The following PDZD2 variants were observed in gnomAD, a reference collection of about 807,000 sequenced individuals.
PDZD2 encodes the protein PDZ domain-containing protein 2.
PDZD2 carries 90 observed loss-of-function variants against 220.7 expected under a neutral mutation model. The observed-to-expected ratio is 0.41, with a 90% CI of 0.34 to 0.49. PDZD2 has a LOEUF of 0.49. Ranked by LOEUF, PDZD2 falls within the 20% of genes least tolerant of loss-of-function variation. The pLI, the probability that PDZD2 is intolerant of heterozygous loss-of-function variation, is 0.28. For missense variants in PDZD2, 3,174 were observed against 3,608.5 expected (o/e 0.88, Z 3.08); for synonymous variants, 1,375 against 1,450.5 (o/e 0.95, Z 1.18).
chr5:31,815,245 C>CAAAAAAAAAAAAAAAAAAAAAAAAAAA (rs59040987), intron 2 of PDZD2, among the ~76,000 whole-genome samples: 3 of 57,916 alleles, frequency 5.2e-5, no homozygotes, highest in African/African-American at 6.8e-5. Context: ...AACTCTGTCT[C>CAAAAAAAAAAAAAAAAAAAAAAAAAAA]AAAAAAAAAA....
intron 8 of PDZD2, among the ~76,000 whole-genome samples, chr5:32,051,866 C>T (rs1322343724): frequency 2.6e-5 from 4 of 152,178 alleles, no homozygotes; most frequent in African/African-American, 9.7e-5. Context: ...CAAGGGCTTG[C>T]TGAGTTTTTG....
At chr5:31,764,612 GA>G (rs1054762483) in intron 1 of PDZD2, among the ~76,000 whole-genome samples, 15 of 152,248 alleles carry the variant, frequency 9.9e-5, no homozygotes, top group Non-Finnish European at 1.9e-4. Flanking sequence ...TCTCCTCCCT[GA>G]AAAAAAGTTT....
At chr5:31,774,815 CT>C (rs1310250821) in intron 1 of PDZD2, among the ~76,000 whole-genome samples, 4 of 151,978 alleles carry the variant, frequency 2.6e-5, no homozygotes, top group Non-Finnish European at 4.4e-5. Context: ...TACTTCCTGA[CT>C]TTTTACACAT....
At chr5:32,041,419 A>AAAAG (rs200365984) in intron 7 of PDZD2, among the ~76,000 whole-genome samples, 6,701 of 151,832 alleles carry the variant, frequency 0.044, 478 homozygotes, top group African/African-American at 0.15. Context: ...AAACGTGGGG[A>AAAAG]AAAGAGAGAT....
intron 2 of PDZD2, among the ~76,000 whole-genome samples, chr5:31,868,487 A>C (rs528458519): frequency 2.6e-5 from 4 of 152,122 alleles, no homozygotes; most frequent in Non-Finnish European, 5.9e-5. Context: ...TGAGTTTGGG[A>C]AAAGCTAGTT....
intron 2 of PDZD2, among the ~76,000 whole-genome samples, chr5:31,921,335 C>T (rs55784040): frequency 0.068 from 10,299 of 152,070 alleles, 361 homozygotes; most frequent in Non-Finnish European, 0.076. Context: ...TCTGTGGGCA[C>T]GCTGAAATTC....
At chr5:32,063,088 G>A (rs151862) in intron 14 of PDZD2, among the ~76,000 whole-genome samples, 45,643 of 149,812 alleles carry the variant, frequency 0.3, 7,247 homozygotes, top group East Asian at 0.55. Context: ...TCTATAGCCC[G>A]GGCTGGGGTG....
intron 2 of PDZD2, chr5:31,847,849 G>A (rs1757677889): frequency 3.7e-6 from 2 of 535,252 alleles, no homozygotes; most frequent in Non-Finnish European, 7.4e-6. Flanking sequence ...AGAAGTTAAT[G>A]CATTGGAAGC....
At chr5:32,069,714 C>G (rs1047079706) in intron 15 of PDZD2, 64 bp downstream of exon 15, 17 of 826,298 alleles carry the variant, frequency 2.1e-5, no homozygotes, top group African/African-American at 1.0e-4. Context: ...CACCCACAGG[C>G]ACTCCCCAGT....
rs72473783 is a variant in PDZD2 at position 31,877,676 on chromosome 5, C to CTATT, written c.476+77978_476+77981dup. On this transcript the variant is annotated intron_variant, in intron 2 of 24. Transcript: ENST00000438447. ...TGCTTGAGAAACTTTGCTGAAAGGT[C>CTATT]TATTTATTTATTTATTTATTTATTT... Among the ~76,000 whole-genome samples, 221 of 150,538 alleles carry CTATT rather than the reference C, an allele frequency of 1.5e-3. 2 individuals carry two copies. Among genetic ancestry groups the CTATT allele is most frequent in the East Asian group, 4.1e-3 (21 of 5,116 alleles).
intron 2 of PDZD2, among the ~76,000 whole-genome samples, chr5:31,886,350 A>G (rs993160983): frequency 2.0e-4 from 31 of 152,030 alleles, no homozygotes; most frequent in Non-Finnish European, 4.0e-4. Flanking sequence ...GCTAGTGCCA[A>G]GTTGTTTATG....
chr5:31,662,682 T>G (rs1043106793), intron 1 of PDZD2, among the ~76,000 whole-genome samples: 3 of 152,134 alleles, frequency 2.0e-5, no homozygotes, highest in African/African-American at 4.8e-5. Flanking sequence ...CAGGATGGAG[T>G]GCAGTGGCGC....
chr5:31,779,680 G>C (rs1362916957), intron 1 of PDZD2, among the ~76,000 whole-genome samples: 1 of 151,972 alleles, frequency 6.6e-6, no homozygotes, highest in Non-Finnish European at 1.5e-5. Flanking sequence ...GCCAAAAATT[G>C]GGAATCTCTT....
intron 1 of PDZD2, among the ~76,000 whole-genome samples, chr5:31,667,923 G>A (rs140460487): frequency 0.015 from 2,030 of 138,966 alleles, 53 homozygotes; most frequent in African/African-American, 0.052. Context: ...GTGCAGTGGC[G>A]TGATTTCGGC....
Position 31,723,370 on chromosome 5 carries a change from A to T in PDZD2, c.-360-75519A>T, listed in dbSNP as rs117278447. 2.1e-3 allele frequency among the ~76,000 whole-genome samples: 325 copies of T among 151,920 alleles called. 7 individuals are homozygous for T. The East Asian group carries it at 0.046, about 21-fold the overall frequency. On this transcript the variant is annotated intron_variant, in intron 1 of 24. Transcript: ENST00000438447. ...TTTTTTTTTTCTGGAATGAGATTGG[A>T]CATGTCAAGTCACTTTTGTCCCCAA...
intron 2 of PDZD2, among the ~76,000 whole-genome samples, chr5:31,837,575 T>A (rs1757020144): frequency 6.6e-6 from 1 of 152,048 alleles, no homozygotes; most frequent in Non-Finnish European, 1.5e-5. Context: ...ATACAAAAAA[T>A]TACCCAGGCA....
intron 1 of PDZD2, among the ~76,000 whole-genome samples, chr5:31,790,850 C>G (rs748029297): frequency 6.6e-6 from 1 of 151,922 alleles, no homozygotes; most frequent in Non-Finnish European, 1.5e-5. Flanking sequence ...AGGCACCCAC[C>G]ACCGCACCCA....
chr5:31,815,382 G>C (rs1375823975), intron 2 of PDZD2, among the ~76,000 whole-genome samples: 1 of 151,904 alleles, frequency 6.6e-6, no homozygotes, highest in East Asian at 1.9e-4. Context: ...ATAGAATGTA[G>C]ATTTTCCCCA....
intron 2 of PDZD2, among the ~76,000 whole-genome samples, chr5:31,841,853 C>G (rs1757326179): frequency 6.6e-6 from 1 of 151,842 alleles, no homozygotes; most frequent in Non-Finnish European, 1.5e-5. Context: ...TGCCTGTAGT[C>G]CCAGCTACTC....
Sources: allele counts gnomAD v4.1 joint callset (sites outside exome capture counted in the v4.1 genomes callset), GRCh38; gene constraint gnomAD v4.1.1; transcripts MANE v1.5; gene names NCBI Gene and HGNC (gene_info 2026-07-23, HGNC 2026-07-21).